SLC2A14: variants seen among roughly 807,000 people sequenced by gnomAD.
The protein encoded by SLC2A14 is solute carrier family 2 member 14.
SLC2A14 carries 13 observed loss-of-function variants against 43.0 expected under a neutral mutation model. The ratio of observed to expected loss-of-function variants is 0.30; its 90% CI spans 0.20 to 0.48. The LOEUF (loss-of-function observed/expected upper bound fraction) is 0.48, where lower values mean the gene tolerates loss of function less well. Ranked by LOEUF, SLC2A14 falls within the 20% of genes least tolerant of loss-of-function variation. The probability of loss-of-function intolerance (pLI) is 0.99; values close to 1 mark genes in which losing one functional copy is unlikely to be tolerated. For synonymous variants in SLC2A14, 190 were observed against 233.8 expected (o/e 0.81, Z 1.71); for missense variants, 428 against 620.4 (o/e 0.69, Z 3.29).
chr12:7,862,622 T>C (rs575915907), intron 2 of SLC2A14, among the ~76,000 whole-genome samples: 3 of 152,140 alleles, frequency 2.0e-5, no homozygotes, highest in Non-Finnish European at 2.9e-5. Flanking sequence ...CGGTGCGTGA[T>C]CCACTAGGTG....
At chr12:7,883,962 C>T (rs1305166758) in intron 1 of SLC2A14, among the ~76,000 whole-genome samples, 8 of 149,684 alleles carry the variant, frequency 5.3e-5, no homozygotes, top group South Asian at 2.1e-4. Context: ...CTTGGTCTGT[C>T]GCCCAGGCTG....
At chr12:7,881,183 G>A (rs1053122093) in intron 1 of SLC2A14, among the ~76,000 whole-genome samples, 31 of 152,118 alleles carry the variant, frequency 2.0e-4, no homozygotes, top group African/African-American at 7.0e-4. Context: ...TTGGCGGCAC[G>A]TGAGGAGCCC....
chr12:7,826,975 CTTTCTCTCCTTTCTCTCTT>C (rs1565508754), intron 7 of SLC2A14, among the ~76,000 whole-genome samples: 1 of 13,574 alleles, frequency 7.4e-5, no homozygotes, highest in East Asian at 1.7e-3. Context: ...TTCTCTCTCT[CTTTCTCTCCTTTCTCTCTT>C]TCTCTCCTTT....
intron 2 of SLC2A14, among the ~76,000 whole-genome samples, chr12:7,853,463 G>C (rs968885100): frequency 1.3e-5 from 2 of 149,700 alleles, no homozygotes; most frequent in Non-Finnish European, 3.0e-5. Context: ...TTAGCCAGGC[G>C]TGGTGGCGCA....
intron 2 of SLC2A14, among the ~76,000 whole-genome samples, chr12:7,842,391 A>G (rs1257766017): frequency 6.6e-6 from 1 of 152,244 alleles, no homozygotes; most frequent in Non-Finnish European, 1.5e-5. Flanking sequence ...GTAAGTACCA[A>G]GGAGGGTGAT....
rs188889373 is a variant in SLC2A14, at chr12:7,857,155, C to T, written c.18+12708G>A. ...GTTCCAGCTACTCGGGAGGCTGAGGCAGGAGAATCGCTCAAACCCAGGAGG... is the reference window on the plus strand; with the variant it reads ...GTTCCAGCTACTCGGGAGGCTGAGGTAGGAGAATCGCTCAAACCCAGGAGG... On this transcript the variant is annotated intron_variant, in intron 2 of 10. Transcript: ENST00000431042. 2.6e-5 allele frequency among the ~76,000 whole-genome samples: 4 copies of T among 152,124 alleles called. No homozygotes were observed. In the East Asian group the frequency reaches 7.7e-4, roughly 29 times the overall value.
At position 7,869,079 on chromosome 12, in the gene SLC2A14, G is replaced by C. The variant is rs192428665; in HGVS notation, c.18+784C>G. 1.5e-4 allele frequency among the ~76,000 whole-genome samples: 23 copies of C among 151,376 alleles called. 1 individual carries two copies. The highest frequency in any genetic ancestry group is 1.4e-3 in the Admixed American group (21 of 15,180). ...GAATCGTTTGAACCCAGGAGGCGGA[G>C]GTTGCGGTGAGCCGAGATCACACCA... On this transcript the variant is annotated intron_variant, in intron 2 of 10. Transcript: ENST00000431042.
At chr12:7,870,883 C>T (rs1222697466) in intron 1 of SLC2A14, 16 of 1,321,652 alleles carry the variant, frequency 1.2e-5, no homozygotes, top group Non-Finnish European at 1.6e-5. Flanking sequence ...GCCAAGACCA[C>T]CAAGAAGCGA....
chr12:7,818,412 G>A (rs1249758513), intron 9 of SLC2A14, among the ~76,000 whole-genome samples: 1 of 152,230 alleles, frequency 6.6e-6, no homozygotes, highest in Non-Finnish European at 1.5e-5. Flanking sequence ...TATAGTCCCA[G>A]CACTTTGGGA....
At chr12:7,880,475 C>CG (rs1945547679) in intron 1 of SLC2A14, among the ~76,000 whole-genome samples, 1 of 145,604 alleles carries the variant, frequency 6.9e-6, no homozygotes. Flanking sequence ...ACTCTTGTCT[C>CG]AAAAAAAAAA....
intron 3 of SLC2A14, 64 bp downstream of exon 3, chr12:7,832,658 G>A: frequency 1.3e-6 from 2 of 1,576,662 alleles, no homozygotes; most frequent in Non-Finnish European, 1.7e-6. Context: ...CTGAATTCTT[G>A]AAACCCTACT....
intron 1 of SLC2A14, among the ~76,000 whole-genome samples, chr12:7,879,917 A>G (rs773699685): frequency 6.6e-6 from 1 of 151,856 alleles, no homozygotes; most frequent in Admixed American, 6.6e-5. Context: ...GAGACAGGAG[A>G]ATCATTTGAA....
At chr12:7,876,386 T>C (rs1945465628), upstream of SLC2A14, among the ~76,000 whole-genome samples, 1 of 151,068 alleles carries the variant, frequency 6.6e-6, no homozygotes, top group Non-Finnish European at 1.5e-5. Context: ...CCTGGAAGCA[T>C]GCCCTCCCCA....
intron 1 of SLC2A14, among the ~76,000 whole-genome samples, chr12:7,888,478 G>A (rs1454386700): frequency 6.6e-6 from 1 of 152,014 alleles, no homozygotes; most frequent in Non-Finnish European, 1.5e-5. Context: ...GATATATTTT[G>A]AAGGCATAGT....
At chr12:7,830,368 G>A (rs745994535) in intron 4 of SLC2A14, among the ~76,000 whole-genome samples, 1 of 152,282 alleles carries the variant, frequency 6.6e-6, no homozygotes, top group South Asian at 2.1e-4. Context: ...GACCAGGCTG[G>A]TCTTTAACTC....
chr12:7,861,832 C>A (rs1432490495), intron 2 of SLC2A14, among the ~76,000 whole-genome samples: 1 of 151,794 alleles, frequency 6.6e-6, no homozygotes, highest in Non-Finnish European at 1.5e-5. Flanking sequence ...TATGGTGGCG[C>A]ACACCTGCAA....
Position 7,832,751 on chromosome 12 carries a change from T to C in SLC2A14, c.82A>G (p.Asn28Asp). The C allele has an allele frequency of 6.2e-7, 1 of 1,614,166 alleles. No homozygotes were observed. The highest frequency in any genetic ancestry group is 8.5e-7 in the Non-Finnish European group (1 of 1,180,024). Residue 28 changes from asparagine to aspartate, a missense_variant, in exon 3 of 11, where the codon AAC becomes GAC. Asn to Asp is a conservative substitution (Grantham distance 23). This residue lies in a region of SLC2A14 where 122 missense variants were observed against 128.8 expected (regional missense o/e 0.95). Transcript: ENST00000431042. ...TCAGGAGCATTGATGACCCCAGTGT[T>C]GTAGCCAAACTGGAAAGAGCCGATT... Reference protein sequence around the residue: ...ATIGSFQFGYNTGVINAPETI... With the variant: ...ATIGSFQFGYDTGVINAPETI...
At chr12:7,869,635 G>A (rs756460676) in intron 2 of SLC2A14, among the ~76,000 whole-genome samples, 7 of 152,026 alleles carry the variant, frequency 4.6e-5, no homozygotes, top group Non-Finnish European at 8.8e-5. Flanking sequence ...TCTTGTTCTT[G>A]ATAATATTAA....
Position 7,831,929 on chromosome 12 carries a change from T to G in SLC2A14, c.112-165A>C, listed in dbSNP as rs755110209. Among the ~76,000 whole-genome samples, 151 of 152,280 alleles carry G rather than the reference T, an allele frequency of 9.9e-4. 1 individual carries two copies. The highest frequency in any genetic ancestry group is 3.6e-3 in the African/African-American group (148 of 41,574). On this transcript the variant is annotated intron_variant, in intron 3 of 10. Coordinates refer to ENST00000431042, the MANE Select transcript of SLC2A14 (RefSeq NM_001286234.2). Reference sequence around the variant, plus strand: ...TTGCAGACCAACCTGACCAACATGGTGAAACCCCGTCTCTACTAAAAATAC... The same window carrying G: ...TTGCAGACCAACCTGACCAACATGGGGAAACCCCGTCTCTACTAAAAATAC...
Sources: allele counts gnomAD v4.1 joint callset (sites outside exome capture counted in the v4.1 genomes callset), GRCh38; gene constraint gnomAD v4.1.1; regional missense constraint gnomAD v4.1.1; transcripts MANE v1.5; gene names NCBI Gene and HGNC (gene_info 2026-07-23, HGNC 2026-07-21).